Variants in MOXD1 observed in about 807,000 individuals in gnomAD.
The protein encoded by MOXD1 is monooxygenase DBH like 1, also known as DBH-like monooxygenase protein 1.
MOXD1 carries 62 observed loss-of-function variants against 66.6 expected under a neutral mutation model. That is an observed-to-expected ratio of 0.93 (90% CI 0.76 to 1.15). MOXD1 has a LOEUF of 1.15. Among genes scored for constraint, MOXD1 ranks in the 50% most tolerant of loss-of-function variants. The pLI, the probability that MOXD1 is intolerant of heterozygous loss-of-function variation, is 0.00. For synonymous variants in MOXD1, 303 were observed against 281.9 expected (o/e 1.07, Z -0.75); for missense variants, 847 against 754.6 (o/e 1.12, Z -1.44).
At chr6:132,303,922 G>C (rs1774629920) in intron 10 of MOXD1, among the ~76,000 whole-genome samples, 1 of 133,532 alleles carries the variant, frequency 7.5e-6, no homozygotes, top group Non-Finnish European at 1.6e-5. Context: ...GGGTGGCCCT[G>C]GACCAATCCA....
At chr6:132,311,779 T>A (rs1454896035) in intron 10 of MOXD1, among the ~76,000 whole-genome samples, 1 of 151,992 alleles carries the variant, frequency 6.6e-6, no homozygotes, top group African/African-American at 2.4e-5. Flanking sequence ...TATTAAGATG[T>A]TTATAATAAC....
At position 132,328,107 on chromosome 6, in the gene MOXD1, A is replaced by T; in HGVS notation, c.852T>A (p.Ser284=). 1 of 1,613,084 alleles carries T rather than the reference A, an allele frequency of 6.2e-7. No individual in the cohort carries two copies. Among genetic ancestry groups the T allele is most frequent in the Non-Finnish European group, 8.5e-7 (1 of 1,179,088 alleles). Reference sequence around the variant, plus strand: ...GGGATAATCCAACATGAGGTGGATAAGAAAAGCCCTAAATATGGAAAATGC... The same window carrying T: ...GGGATAATCCAACATGAGGTGGATATGAAAAGCCCTAAATATGGAAAATGC... The part of the protein sequence containing the change: ...FAWAIGGEGF[S]YPPHVGLSLG... The change falls in exon 6 of 12, where the codon TCT becomes TCA. Residue 284 remains serine (S), a synonymous_variant. Coordinates refer to ENST00000367963, the MANE Select transcript of MOXD1 (RefSeq NM_015529.4).
intron 4 of MOXD1, among the ~76,000 whole-genome samples, chr6:132,359,688 G>A (rs1327441719): frequency 6.6e-6 from 1 of 151,418 alleles, no homozygotes; most frequent in African/African-American, 2.4e-5. Flanking sequence ...GGGTTTCACT[G>A]TGTTAGCCAG....
chr6:132,298,048 T>C lies in MOXD1; in HGVS notation c.1509-93A>G, dbSNP rs548796361. The stretch of plus-strand genomic sequence containing the variant: ...CATCCTAAAATAGATCTCACACTTA[T>C]TCATTTTCATACACATAGATAACCT... On this transcript the variant is annotated intron_variant, in intron 10 of 11. Coordinates refer to ENST00000367963, the MANE Select transcript of MOXD1 (RefSeq NM_015529.4). The C allele has an allele frequency of 1.5e-4, 165 of 1,084,872 alleles. No homozygotes were observed. The South Asian group carries it at 2.9e-3, about 19-fold the overall frequency. The allele number at this position is 1,084,872 out of a possible 1,614,324, so 67.2% of individuals were successfully genotyped here.
intron 1 of MOXD1, among the ~76,000 whole-genome samples, chr6:132,383,465 T>C (rs1276159226): frequency 6.6e-6 from 1 of 152,200 alleles, no homozygotes; most frequent in African/African-American, 2.4e-5. Context: ...AATGCCAAAA[T>C]ATGAACCCTG....
At chr6:132,360,678 T>C (rs147476304) in intron 4 of MOXD1, among the ~76,000 whole-genome samples, 1 of 152,352 alleles carries the variant, frequency 6.6e-6, no homozygotes, top group East Asian at 1.9e-4. Context: ...GGCTCTCTAA[T>C]ATTTATGTGT....
intron 4 of MOXD1, among the ~76,000 whole-genome samples, chr6:132,335,236 A>T (rs1311358990): frequency 6.6e-6 from 1 of 152,182 alleles, no homozygotes; most frequent in Non-Finnish European, 1.5e-5. Flanking sequence ...GGAGGCTTCA[A>T]ATAGCCAATT....
chr6:132,357,490 G>GTA (rs1014410968), intron 4 of MOXD1, among the ~76,000 whole-genome samples: 7 of 152,012 alleles, frequency 4.6e-5, no homozygotes, highest in African/African-American at 7.2e-5. Context: ...TTAAAAGGAA[G>GTA]TATAGAAATA....
At chr6:132,308,092 A>G (rs1774737995) in intron 10 of MOXD1, among the ~76,000 whole-genome samples, 1 of 88,080 alleles carries the variant, frequency 1.1e-5, no homozygotes. Context: ...GGTTTTTTGA[A>G]AAAAAAAAAA....
At chr6:132,394,293 T>C (rs1223142130) in intron 1 of MOXD1, among the ~76,000 whole-genome samples, 1 of 152,152 alleles carries the variant, frequency 6.6e-6, no homozygotes, top group Non-Finnish European at 1.5e-5. Context: ...GCCAACACCG[T>C]AGATAAATCT....
intron 1 of MOXD1, among the ~76,000 whole-genome samples, chr6:132,382,549 TA>T (rs1250940884): frequency 1.3e-5 from 2 of 152,160 alleles, no homozygotes; most frequent in African/African-American, 2.4e-5. Flanking sequence ...CATTTTTAGA[TA>T]AAAATTACTT....
At chr6:132,381,245 C>T (rs1254198455) in intron 1 of MOXD1, among the ~76,000 whole-genome samples, 2 of 152,152 alleles carry the variant, frequency 1.3e-5, no homozygotes, top group African/African-American at 4.8e-5. Flanking sequence ...AAGAACCTAT[C>T]ATCTGATATT....
In MOXD1 at chr6:132,328,133, CATGAGA is replaced by C; in HGVS notation, c.844-24_844-19del. ...GAAAAGCCCTAAATATGGAAAATGC[CATGAGA>C]CAATGTCCTATGAAAGTCCCTGAGA... On this transcript the variant is annotated intron_variant, in intron 5 of 11. Transcript: ENST00000367963. The C allele has an allele frequency of 6.3e-7, 1 of 1,595,606 alleles. No individual in the cohort carries two copies.
intron 4 of MOXD1, among the ~76,000 whole-genome samples, chr6:132,362,233 T>C (rs576380691): frequency 2.0e-5 from 3 of 152,172 alleles, no homozygotes; most frequent in Non-Finnish European, 2.9e-5. Context: ...TCTTTTATTA[T>C]AATTTTATTC....
intron 11 of MOXD1, among the ~76,000 whole-genome samples, 184 bp downstream of exon 11, chr6:132,297,602 CT>C (rs1339219941): frequency 2.0e-5 from 3 of 152,164 alleles, no homozygotes; most frequent in African/African-American, 7.2e-5. Context: ...ACTAATTTTT[CT>C]CTTGAAAGGG....
intron 4 of MOXD1, among the ~76,000 whole-genome samples, chr6:132,336,354 A>G (rs1290949657): frequency 1.3e-5 from 2 of 152,200 alleles, no homozygotes; most frequent in African/African-American, 4.8e-5. Flanking sequence ...GCTAGCTCCT[A>G]AAGTGATGCT....
chr6:132,312,770 A>C (rs545329460), intron 10 of MOXD1, among the ~76,000 whole-genome samples: 2 of 151,908 alleles, frequency 1.3e-5, no homozygotes, highest in Admixed American at 6.6e-5. Context: ...GAAACAGGAG[A>C]GCCGAACATT....
intron 1 of MOXD1, among the ~76,000 whole-genome samples, chr6:132,397,374 A>C (rs1323739254): frequency 1.3e-5 from 2 of 152,252 alleles, no homozygotes; most frequent in African/African-American, 4.8e-5. Context: ...CTGGCATAGA[A>C]TAGAACTGGC....
At chr6:132,298,526 T>C (rs1234928553) in intron 10 of MOXD1, among the ~76,000 whole-genome samples, 1 of 152,144 alleles carries the variant, frequency 6.6e-6, no homozygotes, top group African/African-American at 2.4e-5. Context: ...TATAAAAGCC[T>C]GACCCCTGCT....
Sources: allele counts gnomAD v4.1 joint callset (sites outside exome capture counted in the v4.1 genomes callset), GRCh38; gene constraint gnomAD v4.1.1; transcripts MANE v1.5; gene names NCBI Gene and HGNC (gene_info 2026-07-23, HGNC 2026-07-21).